The following USP13 variants were observed in gnomAD, a reference collection of about 807,000 sequenced individuals.
USP13 encodes the protein ubiquitin specific peptidase 13.
Under a neutral mutation model 107.8 loss-of-function variants are expected in USP13, and 68 were observed. The ratio of observed to expected loss-of-function variants is 0.63; its 90% confidence interval spans 0.52 to 0.77. The LOEUF (loss-of-function observed/expected upper bound fraction) is 0.77. USP13 is among the 30% of genes least tolerant of loss of function. The probability of loss-of-function intolerance (pLI) is 0.00; values close to 1 mark genes in which losing one functional copy is unlikely to be tolerated. For missense variants in USP13, 945 were observed against 1,093.3 expected (o/e 0.86, Z 1.91); for synonymous variants, 377 against 389.5 (o/e 0.97, Z 0.38).
At chr3:179,747,029 A>G (rs1307322301) in intron 13 of USP13, among the ~76,000 whole-genome samples, 1 of 152,232 alleles carries the variant, frequency 6.6e-6, no homozygotes, top group Admixed American at 6.5e-5. Context: ...TCCCTATCCA[A>G]GGGAGATTAA....
chr3:179,733,697 G>A (rs996587418), intron 10 of USP13, among the ~76,000 whole-genome samples: 11 of 152,202 alleles, frequency 7.2e-5, no homozygotes, highest in African/African-American at 2.7e-4. Context: ...GGGGGAGAGA[G>A]CATGAAGGAT....
intron 1 of USP13, among the ~76,000 whole-genome samples, chr3:179,659,011 GC>G (rs1720374698): frequency 3.9e-5 from 6 of 152,202 alleles, no homozygotes. Flanking sequence ...ATAAATGGTT[GC>G]CCCTTACTCC....
At chr3:179,749,406 A>G (rs1714518328) in intron 13 of USP13, among the ~76,000 whole-genome samples, 1 of 152,210 alleles carries the variant, frequency 6.6e-6, no homozygotes, top group Non-Finnish European at 1.5e-5. Context: ...TTTATTTAAA[A>G]CATATCATTT....
chr3:179,719,910 T>G (rs774215280), intron 6 of USP13, 30 bp from the exon 7 acceptor site: 4 of 1,568,682 alleles, frequency 2.5e-6, no homozygotes, highest in Non-Finnish European at 3.5e-6. Flanking sequence ...GATTACTGAT[T>G]GCAGTGCTTA....
intron 18 of USP13, among the ~76,000 whole-genome samples, chr3:179,765,169 G>T (rs1446507078): frequency 1.3e-5 from 2 of 152,198 alleles, no homozygotes; most frequent in Non-Finnish European, 2.9e-5. Flanking sequence ...CAGTGTTGTT[G>T]TCATTAATCA....
At chr3:179,689,111 A>G (rs930472833) in intron 2 of USP13, among the ~76,000 whole-genome samples, 2 of 152,228 alleles carry the variant, frequency 1.3e-5, no homozygotes, top group African/African-American at 4.8e-5. Flanking sequence ...GAAGCAGAAA[A>G]TGTGCAGCAA....
chr3:179,725,903 G>C (rs1713495789), intron 8 of USP13, among the ~76,000 whole-genome samples: 1 of 152,130 alleles, frequency 6.6e-6, no homozygotes, highest in Non-Finnish European at 1.5e-5. Context: ...ACTCTCACGA[G>C]AACAGGATGG....
intron 6 of USP13, among the ~76,000 whole-genome samples, chr3:179,714,093 G>C (rs1262574929): frequency 6.6e-6 from 1 of 152,208 alleles, no homozygotes; most frequent in Non-Finnish European, 1.5e-5. Flanking sequence ...GCAGGGATGA[G>C]GTTCTTGGTA....
intron 1 of USP13, among the ~76,000 whole-genome samples, chr3:179,663,508 C>G (rs1027926331): frequency 6.6e-6 from 1 of 152,218 alleles, no homozygotes; most frequent in Non-Finnish European, 1.5e-5. Flanking sequence ...ATATCCTCCT[C>G]TCTCCCTTGC....
intron 19 of USP13, 125 bp downstream of exon 19, chr3:179,765,973 C>G: frequency 1.1e-6 from 1 of 878,584 alleles, no homozygotes; most frequent in Non-Finnish European, 1.6e-6. Flanking sequence ...ATCCCATCTT[C>G]TTCGTTTTTT....
intron 16 of USP13, among the ~76,000 whole-genome samples, chr3:179,759,441 G>A (rs1714927813): frequency 6.6e-6 from 1 of 152,194 alleles, no homozygotes; most frequent in African/African-American, 2.4e-5. Flanking sequence ...GAACTTTTGA[G>A]TCTTCACTGT....
At chr3:179,739,390 T>C (rs1714107929) in intron 10 of USP13, among the ~76,000 whole-genome samples, 2 of 152,082 alleles carry the variant, frequency 1.3e-5, no homozygotes, top group Non-Finnish European at 2.9e-5. Context: ...CCAGAAACAG[T>C]ATGGGGTGGG....
intron 8 of USP13, among the ~76,000 whole-genome samples, chr3:179,729,632 T>A (rs12152263): frequency 1.3e-5 from 2 of 151,904 alleles, no homozygotes; most frequent in Admixed American, 1.3e-4. Flanking sequence ...CCACTGCACC[T>A]GGCTATTTTT....
intron 1 of USP13, among the ~76,000 whole-genome samples, chr3:179,675,114 G>A (rs1181231717): frequency 6.6e-6 from 1 of 151,728 alleles, no homozygotes; most frequent in African/African-American, 2.4e-5. Context: ...GGTGGAGTTT[G>A]CAGTGAGCAG....
In USP13 at chr3:179,730,565, T is replaced by C. The variant is rs1466148917; in HGVS notation, c.1161-51T>C. On this transcript the variant is annotated intron_variant, in intron 9 of 20. Coordinates refer to ENST00000263966, the MANE Select transcript of USP13 (RefSeq NM_003940.3). Reference sequence around the variant, plus strand: ...TATTCATAGATAAATTTAATATTACTATGGAAAAACAACAATGACCTTTTT... The same window carrying C: ...TATTCATAGATAAATTTAATATTACCATGGAAAAACAACAATGACCTTTTT... 8 of 1,460,330 alleles carry C rather than the reference T, an allele frequency of 5.5e-6. No homozygotes were observed. The Admixed American group carries it at 7.2e-5, about 13-fold the overall frequency. 90.5% of individuals were successfully genotyped at this position (1,460,330 alleles called of 1,614,324 possible).
intron 2 of USP13, among the ~76,000 whole-genome samples, chr3:179,689,902 T>A (rs2108463040): frequency 6.6e-6 from 1 of 152,302 alleles, no homozygotes; most frequent in Non-Finnish European, 1.5e-5. Flanking sequence ...CCATCATCTT[T>A]CCTGAGTTTT....
At chr3:179,743,529 C>T (rs1286848450) in intron 12 of USP13, among the ~76,000 whole-genome samples, 1 of 151,970 alleles carries the variant, frequency 6.6e-6, no homozygotes, top group Non-Finnish European at 1.5e-5. Context: ...AAACGATTTT[C>T]ATTTTCTATA....
chr3:179,701,281 CCTCTT>C (rs1306433626), intron 4 of USP13, 152 bp downstream of exon 4: 5 of 1,039,406 alleles, frequency 4.8e-6, no homozygotes, highest in African/African-American at 3.2e-5. Context: ...CACGCACATA[CCTCTT>C]CTCTTCTGTG....
chr3:179,728,953 G>A (rs1308886176), intron 8 of USP13, among the ~76,000 whole-genome samples: 3 of 150,232 alleles, frequency 2.0e-5, no homozygotes, highest in African/African-American at 7.3e-5. Flanking sequence ...TGGAGAGAGG[G>A]AGAGGGAGAC....
Sources: allele counts gnomAD v4.1 joint callset (sites outside exome capture counted in the v4.1 genomes callset), GRCh38; gene constraint gnomAD v4.1.1; transcripts MANE v1.5; gene names NCBI Gene and HGNC (gene_info 2026-07-23, HGNC 2026-07-21).